Variants in PBX3 observed in about 807,000 individuals in gnomAD.
The protein encoded by PBX3 is pre-B-cell leukemia transcription factor 3.
PBX3 carries 14 observed loss-of-function variants against 48.5 expected under a neutral mutation model. The observed-to-expected ratio is 0.29, with a 90% CI of 0.19 to 0.45. The LOEUF (loss-of-function observed/expected upper bound fraction) is 0.45. Among genes scored for constraint, PBX3 ranks in the 20% least tolerant of loss-of-function variants. PBX3 has a pLI of 1.00. For synonymous variants in PBX3, 210 were observed against 200.3 expected (o/e 1.05, Z -0.41); for missense variants, 386 against 546.7 (o/e 0.71, Z 2.93).
intron 6 of PBX3, 124 bp downstream of exon 6, chr9:125,960,973 T>G (rs1842418851): frequency 1.1e-6 from 1 of 938,684 alleles, no homozygotes; most frequent in Admixed American, 2.9e-5. Context: ...AAGATTTATG[T>G]TCAAATGCAG....
chr9:125,951,851 G>A (rs1256914065), intron 5 of PBX3, among the ~76,000 whole-genome samples: 3 of 152,186 alleles, frequency 2.0e-5, no homozygotes, highest in Non-Finnish European at 4.4e-5. Flanking sequence ...TGCACACAGT[G>A]TGTGTATCCA....
chr9:125,813,972 C>A (rs1838377432), intron 2 of PBX3, among the ~76,000 whole-genome samples: 1 of 124,288 alleles, frequency 8.0e-6, no homozygotes, highest in Admixed American at 8.2e-5. Context: ...CAAGACCAGC[C>A]TGGCCAACAT....
At chr9:125,919,924 A>C (rs1841421495) in intron 3 of PBX3, among the ~76,000 whole-genome samples, 1 of 152,204 alleles carries the variant, frequency 6.6e-6, no homozygotes, top group Non-Finnish European at 1.5e-5. Context: ...ATTGTCTTTA[A>C]AATCCTGTCT....
At chr9:125,879,707 C>A (rs2132346433) in intron 2 of PBX3, among the ~76,000 whole-genome samples, 1 of 152,306 alleles carries the variant, frequency 6.6e-6, no homozygotes, top group East Asian at 1.9e-4. Flanking sequence ...GTACCAGTTT[C>A]ACCAATATTA....
intron 2 of PBX3, among the ~76,000 whole-genome samples, chr9:125,865,507 G>A (rs1019290011): frequency 2.6e-5 from 4 of 152,098 alleles, no homozygotes; most frequent in Non-Finnish European, 5.9e-5. Context: ...AATAATTTCT[G>A]TTTAGTATGA....
intron 2 of PBX3, among the ~76,000 whole-genome samples, chr9:125,872,755 G>A (rs145005610): frequency 1.3e-4 from 20 of 150,980 alleles, no homozygotes; most frequent in South Asian, 1.3e-3. Context: ...GTGAGATCTC[G>A]TCTCAAAAAA....
chr9:125,928,424 T>TGTG (rs1554729911), intron 3 of PBX3, among the ~76,000 whole-genome samples: 15 of 125,262 alleles, frequency 1.2e-4, no homozygotes, highest in African/African-American at 5.9e-4. Flanking sequence ...GTGTGTGTGT[T>TGTG]TTTGTGTATG....
chr9:125,784,238 T>G (rs1217272143), intron 2 of PBX3, among the ~76,000 whole-genome samples: 3 of 152,140 alleles, frequency 2.0e-5, no homozygotes, highest in Non-Finnish European at 4.4e-5. Context: ...AAGTGATTCT[T>G]GTGCTTCAGC....
At chr9:125,923,553 A>G (rs1474024118) in intron 3 of PBX3, among the ~76,000 whole-genome samples, 1 of 152,074 alleles carries the variant, frequency 6.6e-6, no homozygotes, top group African/African-American at 2.4e-5. Context: ...GAAAAATTTA[A>G]AGTATTTACT....
chr9:125,915,614 C>T, intron 2 of PBX3, 72 bp from the exon 3 acceptor site: 1 of 1,189,072 alleles, frequency 8.4e-7, no homozygotes, highest in Non-Finnish European at 1.2e-6. Context: ...CTCGAATAAA[C>T]AAAATACTCA....
chr9:125,830,421 T>G (rs908106884), intron 2 of PBX3, among the ~76,000 whole-genome samples: 2 of 152,076 alleles, frequency 1.3e-5, no homozygotes, highest in African/African-American at 4.8e-5. Context: ...AATGTTACAT[T>G]GGTGATAGTA....
rs1284443388 is a variant in PBX3 at position 125,962,178 on chromosome 9, C to T, written c.1086C>T (p.Tyr362=). ...MNMQSLNGDS[Y]QGSQVGANVQ... is the part of the protein sequence containing the mutation. ...TGCAGAGTCTGAATGGGGATTCTTA[C>T]CAAGGGTCCCAAGTCGGAGCCAATG... The change falls in exon 7 of 9, where the codon TAC becomes TAT. Residue 362 remains tyrosine (Y), a synonymous_variant. Transcript: ENST00000373489. 1.9e-6 allele frequency: 3 copies of T among 1,611,488 alleles called. No individual in the cohort carries two copies. The highest frequency in any genetic ancestry group is 2.5e-6 in the Non-Finnish European group (3 of 1,177,610).
At chr9:125,866,671 A>G (rs889550026) in intron 2 of PBX3, among the ~76,000 whole-genome samples, 1 of 152,210 alleles carries the variant, frequency 6.6e-6, no homozygotes, top group African/African-American at 2.4e-5. Context: ...TTCAGCTTCT[A>G]TATCTCGTTT....
chr9:125,955,542 G>T (rs1358796615), intron 5 of PBX3, among the ~76,000 whole-genome samples: 1 of 152,218 alleles, frequency 6.6e-6, no homozygotes, highest in Non-Finnish European at 1.5e-5. Flanking sequence ...GAGTGGTCCA[G>T]GGAGAGGGAG....
At chr9:125,807,360 CAGA>C (rs1838157170) in intron 2 of PBX3, among the ~76,000 whole-genome samples, 1 of 151,030 alleles carries the variant, frequency 6.6e-6, no homozygotes, top group Admixed American at 6.6e-5. Flanking sequence ...AAAATATTAA[CAGA>C]AGGAGTGGTA....
chr9:125,771,284 C>G (rs576715315), intron 2 of PBX3, among the ~76,000 whole-genome samples: 11 of 152,312 alleles, frequency 7.2e-5, no homozygotes, highest in African/African-American at 2.6e-4. Flanking sequence ...ATCTTTGCAA[C>G]TGTCAAACAA....
intron 2 of PBX3, among the ~76,000 whole-genome samples, chr9:125,813,035 C>T (rs528846085): frequency 6.6e-6 from 1 of 152,294 alleles, no homozygotes; most frequent in South Asian, 2.1e-4. Context: ...ATGATGTACA[C>T]TTAGGCTATA....
At chr9:125,894,672 A>G (rs1390842723) in intron 2 of PBX3, among the ~76,000 whole-genome samples, 2 of 152,132 alleles carry the variant, frequency 1.3e-5, no homozygotes, top group African/African-American at 4.8e-5. Flanking sequence ...GTTTACATTT[A>G]TAATGCAGCT....
At chr9:125,785,914 C>CT (rs1360705060) in intron 2 of PBX3, among the ~76,000 whole-genome samples, 1 of 150,352 alleles carries the variant, frequency 6.7e-6, no homozygotes, top group Non-Finnish European at 1.5e-5. Flanking sequence ...TCACAAGACT[C>CT]TCATTTTAAA....
Sources: gnomAD v4.1 joint callset for allele counts (sites outside exome capture counted in the v4.1 genomes callset) on GRCh38, gnomAD v4.1.1 for gene constraint, MANE v1.5 for transcripts, NCBI Gene and HGNC (gene_info 2026-07-23, HGNC 2026-07-21) for gene names.